The following DIS3L variants were observed in gnomAD, a reference collection of about 807,000 sequenced individuals.
DIS3L encodes the protein DIS3-like exonuclease 1.
Under a neutral mutation model 120.3 loss-of-function variants are expected in DIS3L, and 100 were observed. The ratio of observed to expected loss-of-function variants is 0.83; its 90% CI spans 0.71 to 0.98. The LOEUF is 0.98. Among genes scored for constraint, DIS3L ranks in the 50% least tolerant of loss-of-function variants. The probability of loss-of-function intolerance (pLI) is 0.00; values close to 1 mark genes in which losing one functional copy is unlikely to be tolerated. For synonymous variants in DIS3L, 426 were observed against 470.6 expected (o/e 0.91, Z 1.23); for missense variants, 1,196 against 1,314.2 (o/e 0.91, Z 1.39).
At position 66,294,324 on chromosome 15, in the gene DIS3L, C is replaced by T. The variant is rs1485083606; in HGVS notation, c.139+589C>T. 7 of 985,534 alleles carry T rather than the reference C, an allele frequency of 7.1e-6. No homozygotes were observed. The Admixed American group carries it at 3.7e-4, about 52-fold the overall frequency. 61.0% of individuals were successfully genotyped at this position (985,534 alleles called of 1,614,324 possible). ...ACTCCTGGGCCCCAGTCCTTGGTTTCTAGGCCACAAGGGTGGCCGATAGAA... is the reference window on the plus strand; with the variant it reads ...ACTCCTGGGCCCCAGTCCTTGGTTTTTAGGCCACAAGGGTGGCCGATAGAA... On this transcript the variant is annotated intron_variant, in intron 1 of 16. Coordinates refer to ENST00000319212, the MANE Select transcript of DIS3L (RefSeq NM_001143688.3).
intron 2 of DIS3L, among the ~76,000 whole-genome samples, chr15:66,304,999 T>C (rs1157060145): frequency 2.9e-5 from 2 of 69,594 alleles, no homozygotes; most frequent in South Asian, 3.8e-4. Flanking sequence ...AATCGATTTC[T>C]TTTTTTTTTT....
intron 1 of DIS3L, chr15:66,294,203 C>A (rs1417098409): frequency 9.1e-6 from 9 of 985,612 alleles, no homozygotes; most frequent in Middle Eastern, 5.2e-4. Context: ...ACTGTTGCCC[C>A]AGACTTTTCC....
intron 14 of DIS3L, chr15:66,329,774 T>C: frequency 1.1e-6 from 1 of 945,178 alleles, no homozygotes; most frequent in Non-Finnish European, 1.3e-6. Flanking sequence ...TAGCCGGGTG[T>C]GATGGCACGC....
Position 66,293,576 on chromosome 15 carries a change from GC to G in DIS3L, c.-19del. 1 of 1,420,106 alleles carries G rather than the reference GC, an allele frequency of 7.0e-7. No individual in the cohort carries two copies. The highest frequency in any genetic ancestry group is 9.2e-7 in the Non-Finnish European group (1 of 1,086,088). The allele number at this position is 1,420,106 out of a possible 1,614,324, so 88.0% of individuals were successfully genotyped here. Reference sequence around the variant, plus strand: ...CCTCCGCCGCGCCCGCCACTCCGCGGCCGCCGGGAGACACGCCGCCATGCTG... The same window carrying G: ...CCTCCGCCGCGCCCGCCACTCCGCGGCGCCGGGAGACACGCCGCCATGCTG... On this transcript the variant is annotated 5_prime_UTR_variant, in exon 1 of 17. Transcript: ENST00000319212.
intron 4 of DIS3L, among the ~76,000 whole-genome samples, chr15:66,310,858 C>T (rs1364972103): frequency 6.6e-6 from 1 of 152,084 alleles, no homozygotes; most frequent in Non-Finnish European, 1.5e-5. Context: ...TGGCCTGGCA[C>T]AGTGGCCCAC....
chr15:66,329,086 C>G lies in DIS3L; in HGVS notation c.2318C>G (p.Ser773Cys). The change falls in exon 13 of 17, where the codon TCC (serine) becomes TGC (cysteine). Residue 773 changes from serine to cysteine, a missense_variant. By Grantham distance (112) the Ser-to-Cys change is moderately radical. Coordinates refer to ENST00000319212, the MANE Select transcript of DIS3L (RefSeq NM_001143688.3). ...TQAMSNALYF[S>C]TGSCAEEEFH... ...GCCATGTCGAATGCTCTGTACTTCTCCACCGGATCCTGTGCGGAGGAGGAG... is the reference window on the plus strand; with the variant it reads ...GCCATGTCGAATGCTCTGTACTTCTGCACCGGATCCTGTGCGGAGGAGGAG... 3.7e-6 allele frequency: 6 copies of G among 1,614,044 alleles called. No individual in the cohort carries two copies. Among genetic ancestry groups the G allele is most frequent in the Non-Finnish European group, 5.1e-6 (6 of 1,179,994 alleles).
At chr15:66,312,840 C>T (rs967145248) in intron 5 of DIS3L, among the ~76,000 whole-genome samples, 1 of 152,162 alleles carries the variant, frequency 6.6e-6, no homozygotes, top group African/African-American at 2.4e-5. Context: ...AGTAGATTGT[C>T]AACCACAATC....
At chr15:66,294,121 T>A in intron 1 of DIS3L, 1 of 985,638 alleles carries the variant, frequency 1.0e-6, no homozygotes, top group Non-Finnish European at 1.2e-6. Context: ...CCCCGGGAGC[T>A]ACAGGCCAGC....
intron 12 of DIS3L, among the ~76,000 whole-genome samples, chr15:66,328,001 A>G (rs548153520): frequency 7.9e-5 from 12 of 152,310 alleles, no homozygotes; most frequent in African/African-American, 2.9e-4. Flanking sequence ...GCAGTGAGCC[A>G]AGATTGTGCC....
At chr15:66,317,346 A>G (rs567301757) in intron 7 of DIS3L, among the ~76,000 whole-genome samples, 261 of 132,030 alleles carry the variant, frequency 2.0e-3, no homozygotes, top group Middle Eastern at 8.2e-3. Flanking sequence ...TATTTGTGGG[A>G]AAAAAAAAAA....
At position 66,293,739 on chromosome 15, in the gene DIS3L, AG is replaced by A; in HGVS notation, c.139+7del. 1 of 1,224,694 alleles carries A rather than the reference AG, an allele frequency of 8.2e-7. No individual in the cohort carries two copies. Among genetic ancestry groups the A allele is most frequent in the Non-Finnish European group, 1.0e-6 (1 of 981,990 alleles). 75.9% of individuals were successfully genotyped at this position (1,224,694 alleles called of 1,614,324 possible). On this transcript the variant is annotated splice_donor_5th_base_variant and intron_variant, in intron 1 of 16. Coordinates refer to ENST00000319212, the MANE Select transcript of DIS3L (RefSeq NM_001143688.3). Reference sequence around the variant, plus strand: ...CAGCCCGCCGCCTGCAGCCACGGTCAGGGCCGGGGCGGGGGCGGGGACGGGG... The same window carrying A: ...CAGCCCGCCGCCTGCAGCCACGGTCAGGCCGGGGCGGGGGCGGGGACGGGG...
chr15:66,329,068 C>A lies in DIS3L; in HGVS notation c.2300C>A (p.Ser767Ter). The A allele has an allele frequency of 6.2e-7, 1 of 1,614,218 alleles. No individual in the cohort carries two copies. Among genetic ancestry groups the A allele is most frequent in the Non-Finnish European group, 8.5e-7 (1 of 1,180,030 alleles). Residue 767 changes from serine (S) to a stop codon, truncating the protein, a stop_gained, in exon 13 of 17, where the codon TCG becomes TAG. Coordinates refer to ENST00000319212, the MANE Select transcript of DIS3L (RefSeq NM_001143688.3). LOFTEE classifies it high-confidence loss of function. ...CGCTCCATGGCCACGCAGGCCATGT[C>A]GAATGCTCTGTACTTCTCCACCGGA... is the stretch of plus-strand genomic sequence containing the variant. ...LLRSMATQAM[S>*]NALYFSTGSC...
intron 15 of DIS3L, among the ~76,000 whole-genome samples, chr15:66,332,231 C>T (rs1400811603): frequency 9.9e-5 from 15 of 151,998 alleles, no homozygotes; most frequent in Non-Finnish European, 2.9e-5. Flanking sequence ...CCAAGGTGGG[C>T]GGATCACCTG....
rs2092792390 is a variant in DIS3L, at chr15:66,314,062, CAG to C, written c.762_763del (p.Arg254SerfsTer15). The C allele has an allele frequency of 5.2e-6, 8 of 1,542,978 alleles. No homozygotes were observed. The highest frequency in any genetic ancestry group is 7.0e-6 in the Non-Finnish European group (8 of 1,148,758). On this transcript the variant is annotated frameshift_variant, in exon 6 of 17. Coordinates refer to ENST00000319212, the MANE Select transcript of DIS3L (RefSeq NM_001143688.3). LOFTEE classifies it high-confidence loss of function. ...AGGGAATTCTGAATGTCAACAAACA[CAG>C]AGCCCAAATAGAAGCTTTTGTTCGA... ...IQGILNVNKHRAQIEAFVRLQ... is the reference protein window; with the variant it reads ...IQGILNVNKHXAQIEAFVRLQ...
intron 3 of DIS3L, among the ~76,000 whole-genome samples, chr15:66,308,009 C>T (rs947420715): frequency 1.3e-5 from 2 of 152,078 alleles, no homozygotes; most frequent in African/African-American, 2.4e-5. Context: ...CCCATCTGTA[C>T]AAAAAGTTAA....
intron 2 of DIS3L, among the ~76,000 whole-genome samples, chr15:66,302,738 A>T (rs1293352379): frequency 6.6e-6 from 1 of 152,114 alleles, no homozygotes; most frequent in East Asian, 1.9e-4. Context: ...TCTCCTTTCA[A>T]GCACTTATCC....
Position 66,293,682 on chromosome 15 carries a change from C to A in DIS3L, c.86C>A (p.Pro29His). The change falls in exon 1 of 17, where the codon CCC becomes CAC. Residue 29 changes from proline to histidine, a missense_variant. Transcript: ENST00000319212. ...ATCGTGCGCGAGCACTACCTGCGGC[C>A]CTGCGTGCCCTGCCACAGCCCGCTC... ...LRIVREHYLRPCVPCHSPLCP... is the reference protein window; with the variant it reads ...LRIVREHYLRHCVPCHSPLCP... 7.1e-7 allele frequency: 1 copy of A among 1,401,918 alleles called. No individual in the cohort carries two copies. Among genetic ancestry groups the A allele is most frequent in the Non-Finnish European group, 9.3e-7 (1 of 1,073,448 alleles). 86.8% of individuals were successfully genotyped at this position (1,401,918 alleles called of 1,614,324 possible). A position where few individuals can be genotyped will look rare whatever the true frequency, so the allele number is the denominator to read the frequency against.
rs183148269 is a variant in DIS3L, at chr15:66,331,598, T to C, written c.2536-277T>C. 3.1e-4 allele frequency: 72 copies of C among 235,476 alleles called. 1 individual carries two copies. The Middle Eastern group carries it at 5.9e-3, about 19-fold the overall frequency. 14.6% of individuals were successfully genotyped at this position (235,476 alleles called of 1,614,324 possible). On this transcript the variant is annotated intron_variant, in intron 14 of 16. Coordinates refer to ENST00000319212, the MANE Select transcript of DIS3L (RefSeq NM_001143688.3). Reference sequence around the variant, plus strand: ...GCAAGTAAGACATGTGTAATACTTTTCCTGTACCCAAGGTGAACATGACCC... The same window carrying C: ...GCAAGTAAGACATGTGTAATACTTTCCCTGTACCCAAGGTGAACATGACCC...
intron 2 of DIS3L, among the ~76,000 whole-genome samples, chr15:66,306,184 A>G (rs1478185075): frequency 6.6e-6 from 1 of 152,192 alleles, no homozygotes; most frequent in Non-Finnish European, 1.5e-5. Flanking sequence ...TATGTTGCCC[A>G]TGCTGGTGTT....
Sources: gnomAD v4.1 joint callset for allele counts (sites outside exome capture counted in the v4.1 genomes callset) on GRCh38, gnomAD v4.1.1 for gene constraint, MANE v1.5 for transcripts, NCBI Gene and HGNC (gene_info 2026-07-23, HGNC 2026-07-21) for gene names.